Variants in EYA2 observed in about 807,000 individuals in gnomAD.
EYA2 encodes EYA transcriptional coactivator and phosphatase 2, also known as protein phosphatase EYA2.
EYA2 carries 31 observed loss-of-function variants against 69.2 expected under a neutral mutation model. That is an observed-to-expected ratio of 0.45 (90% confidence interval 0.34 to 0.60). EYA2 has a LOEUF of 0.60. Among genes scored for constraint, EYA2 ranks in the 20% least tolerant of loss-of-function variants. EYA2 has a pLI of 0.02. For missense variants in EYA2, 622 were observed against 701.2 expected (o/e 0.89, Z 1.28); for synonymous variants, 257 against 279.4 (o/e 0.92, Z 0.80).
chr20:47,166,398 A>T (rs1483642891), intron 10 of EYA2, among the ~76,000 whole-genome samples: 5 of 98,904 alleles, frequency 5.1e-5, no homozygotes, highest in East Asian at 6.4e-4. Context: ...CTGTCTAAAA[A>T]AAAAAAAAAA....
intron 1 of EYA2, among the ~76,000 whole-genome samples, chr20:46,895,213 C>CT (rs771743701): frequency 6.6e-6 from 1 of 152,236 alleles, no homozygotes; most frequent in Non-Finnish European, 1.5e-5. Flanking sequence ...CTCTCCCAGG[C>CT]TCGGGGCCCC....
chr20:47,091,771 T>C (rs2032094364), intron 8 of EYA2, among the ~76,000 whole-genome samples: 1 of 152,068 alleles, frequency 6.6e-6, no homozygotes, highest in South Asian at 2.1e-4. Flanking sequence ...TTCTGGTTAC[T>C]TAAGCAAAAA....
At chr20:47,152,550 G>A (rs180923075) in intron 10 of EYA2, among the ~76,000 whole-genome samples, 2 of 151,810 alleles carry the variant, frequency 1.3e-5, no homozygotes, top group African/African-American at 2.4e-5. Context: ...GGTGGCTCAC[G>A]CCAGTAATCC....
At chr20:47,163,421 T>C (rs1479642997) in intron 10 of EYA2, among the ~76,000 whole-genome samples, 2 of 152,114 alleles carry the variant, frequency 1.3e-5, no homozygotes, top group Non-Finnish European at 1.5e-5. Context: ...CCTCCTTGGC[T>C]TGGGACGTGG....
intron 9 of EYA2, among the ~76,000 whole-genome samples, chr20:47,107,351 C>T (rs575030532): frequency 4.8e-5 from 7 of 147,142 alleles, no homozygotes; most frequent in African/African-American, 1.7e-4. Flanking sequence ...ATGGTGAAAC[C>T]CCATCTCTAC....
At chr20:47,156,012 A>C (rs1321432732) in intron 10 of EYA2, among the ~76,000 whole-genome samples, 7 of 145,368 alleles carry the variant, frequency 4.8e-5, no homozygotes, top group Non-Finnish European at 9.0e-5. Flanking sequence ...TCCCGTCTCT[A>C]CTTAAATATA....
At chr20:47,179,514 G>T (rs1252942798) in intron 12 of EYA2, among the ~76,000 whole-genome samples, 2 of 129,512 alleles carry the variant, frequency 1.5e-5, no homozygotes, top group African/African-American at 5.7e-5. Flanking sequence ...GGATGGATGG[G>T]TGGATAGGTG....
At chr20:47,048,289 C>A (rs2030151784) in intron 5 of EYA2, among the ~76,000 whole-genome samples, 1 of 152,100 alleles carries the variant, frequency 6.6e-6, no homozygotes, top group African/African-American at 2.4e-5. Context: ...AGAACACATG[C>A]TCCATCTAAA....
chr20:46,980,725 A>G (rs1980780599), intron 1 of EYA2, among the ~76,000 whole-genome samples: 1 of 152,136 alleles, frequency 6.6e-6, no homozygotes. Flanking sequence ...CTAACTGTAT[A>G]TTTGTACCCA....
chr20:46,933,792 G>T (rs6094513), intron 1 of EYA2, among the ~76,000 whole-genome samples: 19,870 of 152,232 alleles, frequency 0.13, 1,566 homozygotes, highest in East Asian at 0.39. Flanking sequence ...TGCCTATGGG[G>T]CTTTTGCAGA....
chr20:47,176,673 AAAC>A (rs933292460), intron 12 of EYA2, among the ~76,000 whole-genome samples: 3 of 152,208 alleles, frequency 2.0e-5, no homozygotes, highest in Non-Finnish European at 4.4e-5. Context: ...ATAACACAAA[AAAC>A]AACAATGGCT....
chr20:46,958,126 C>T (rs1379531076), intron 1 of EYA2, among the ~76,000 whole-genome samples: 3 of 152,108 alleles, frequency 2.0e-5, no homozygotes, highest in East Asian at 1.9e-4. Flanking sequence ...ACCATCACAC[C>T]CTCGCTTGCA....
chr20:46,913,812 G>A (rs1049667091), intron 1 of EYA2, among the ~76,000 whole-genome samples: 6 of 152,214 alleles, frequency 3.9e-5, no homozygotes, highest in African/African-American at 1.2e-4. Flanking sequence ...GGGAGGAGCA[G>A]GTTGGGAAAG....
intron 10 of EYA2, among the ~76,000 whole-genome samples, chr20:47,152,502 A>G (rs1220480392): frequency 6.6e-6 from 1 of 151,186 alleles, no homozygotes; most frequent in East Asian, 2.0e-4. Flanking sequence ...TTGGATGGAT[A>G]GGGGGGCGCA....
chr20:47,087,105 GGAAAACACCCA>G (rs1218061450), intron 7 of EYA2, among the ~76,000 whole-genome samples: 1 of 152,138 alleles, frequency 6.6e-6, no homozygotes, highest in African/African-American at 2.4e-5. Flanking sequence ...CTGGGGAGGT[GGAAAACACCCA>G]GCCATCCTGA....
At chr20:46,998,212 C>T (rs3787267) in intron 2 of EYA2, 77,919 of 152,772 alleles carry the variant, frequency 0.51, 21,368 homozygotes, top group Non-Finnish European at 0.64. Context: ...CAGGATCTGA[C>T]CTGCCATCTA....
intron 10 of EYA2, chr20:47,161,616 C>A (rs1429571423): frequency 4.3e-6 from 1 of 234,382 alleles, no homozygotes; most frequent in Non-Finnish European, 8.5e-6. Context: ...GCGGCTATGA[C>A]CCCAGCCCCC....
In EYA2 at chr20:47,172,769, G is replaced by T. The variant is rs554893450; in HGVS notation, c.1100G>T (p.Gly367Val). 3.7e-5 allele frequency: 60 copies of T among 1,614,140 alleles called. No individual in the cohort carries two copies. In the Admixed American group the frequency reaches 5.3e-4, roughly 14 times the overall value. The change falls in exon 12 of 16, where the codon GGC (glycine) becomes GTC (valine). Residue 367 changes from glycine to valine, a missense_variant. By Grantham distance (109) the Gly-to-Val change is moderately radical. Around this residue, in one of 2 missense-constraint regions of EYA2, gnomAD observed 257 missense variants for 351.5 expected, o/e 0.73. Transcript: ENST00000327619. The part of the protein sequence containing the change: ...SSAPGANLCL[G>V]SGVHGGVDWM... ...GCCCCAGGAGCCAACCTGTGCCTGG[G>T]CTCTGGCGTGCACGGCGGCGTGGAC...
At chr20:46,898,299 C>T (rs1270822039) in intron 1 of EYA2, among the ~76,000 whole-genome samples, 6 of 140,084 alleles carry the variant, frequency 4.3e-5, no homozygotes, top group African/African-American at 1.6e-4. Context: ...TTTTAGCTAA[C>T]TGTTCTGAAA....
Sources: allele counts gnomAD v4.1 joint callset (sites outside exome capture counted in the v4.1 genomes callset), GRCh38; gene constraint gnomAD v4.1.1; regional missense constraint gnomAD v4.1.1; transcripts MANE v1.5; gene names NCBI Gene and HGNC (gene_info 2026-07-23, HGNC 2026-07-21).